GRID1: variants seen among roughly 807,000 people sequenced by gnomAD.
GRID1 encodes glutamate ionotropic receptor delta type subunit 1, also known as glutamate receptor ionotropic, delta-1.
In GRID1, 28 loss-of-function variants were observed where a neutral mutation model predicts 98.0. The ratio of observed to expected loss-of-function variants is 0.29; its 90% confidence interval spans 0.21 to 0.39. The LOEUF is 0.39. GRID1 is among the 10% of genes least tolerant of loss of function. GRID1 has a pLI of 1.00. For synonymous variants in GRID1, 553 were observed against 538.5 expected, an observed-to-expected ratio of 1.03 and a Z score of -0.37; for missense variants, 1,111 against 1,340.5, an observed-to-expected ratio of 0.83 and a Z score of 2.67.
chr10:85,847,950 C>A (rs1445661415), intron 8 of GRID1, among the ~76,000 whole-genome samples: 1 of 152,064 alleles, frequency 6.6e-6, no homozygotes, highest in Non-Finnish European at 1.5e-5. Flanking sequence ...CAATTCCTTT[C>A]TGAAAGAGAG....
At chr10:85,760,900 A>G (rs1046399575) in intron 8 of GRID1, among the ~76,000 whole-genome samples, 1 of 152,202 alleles carries the variant, frequency 6.6e-6, no homozygotes, top group African/African-American at 2.4e-5. Flanking sequence ...TTCTCAGATG[A>G]TAACACAGGT....
chr10:86,136,950 T>C (rs1176311764), intron 4 of GRID1, among the ~76,000 whole-genome samples: 3 of 151,958 alleles, frequency 2.0e-5, no homozygotes, highest in African/African-American at 4.8e-5. Flanking sequence ...CCCCTGTACC[T>C]AAAATAAAAG....
chr10:86,338,317 A>G (rs1047464980), intron 2 of GRID1, among the ~76,000 whole-genome samples: 1 of 152,116 alleles, frequency 6.6e-6, no homozygotes, highest in Non-Finnish European at 1.5e-5. Context: ...TGGAAAGGGA[A>G]TGTGGTCTTT....
chr10:85,729,648 A>T, intron 8 of GRID1, 34 bp from the exon 9 acceptor site: 2 of 1,384,754 alleles, frequency 1.4e-6, no homozygotes, highest in Non-Finnish European at 2.1e-6. Flanking sequence ...TGAGGGATGG[A>T]ACTGGCACCC....
chr10:85,953,252 C>T (rs934618161), intron 4 of GRID1, among the ~76,000 whole-genome samples: 1 of 152,074 alleles, frequency 6.6e-6, no homozygotes, highest in African/African-American at 2.4e-5. Context: ...GGCCATTATT[C>T]TTAGCAAACT....
intron 8 of GRID1, among the ~76,000 whole-genome samples, chr10:85,823,254 G>T (rs1049762746): frequency 3.3e-5 from 5 of 151,712 alleles, no homozygotes; most frequent in African/African-American, 1.2e-4. Context: ...TCTCAGTAAA[G>T]TTGCTAAAAG....
At chr10:85,732,481 C>T (rs951561541) in intron 8 of GRID1, among the ~76,000 whole-genome samples, 23 of 152,116 alleles carry the variant, frequency 1.5e-4, no homozygotes, top group African/African-American at 5.3e-4. Context: ...AAGGCTTTAC[C>T]TGTCTTTCTA....
At chr10:86,137,088 C>G (rs571195801) in intron 4 of GRID1, among the ~76,000 whole-genome samples, 1 of 152,300 alleles carries the variant, frequency 6.6e-6, no homozygotes, top group African/African-American at 2.4e-5. Flanking sequence ...CCACTGCAGG[C>G]GTTTGCATAA....
chr10:86,078,399 G>A (rs528349224), intron 4 of GRID1, among the ~76,000 whole-genome samples: 6 of 152,328 alleles, frequency 3.9e-5, no homozygotes, highest in Non-Finnish European at 8.8e-5. Flanking sequence ...TCTTGGGGAC[G>A]GTCAGCAGCT....
At chr10:85,637,651 C>T (rs1329964187) in intron 13 of GRID1, among the ~76,000 whole-genome samples, 1 of 152,184 alleles carries the variant, frequency 6.6e-6, no homozygotes, top group East Asian at 1.9e-4. Flanking sequence ...CTTTTTCCTG[C>T]CTCTCTAATT....
chr10:85,731,945 G>A (rs568512567), intron 8 of GRID1, among the ~76,000 whole-genome samples: 4,911 of 148,902 alleles, frequency 0.033, 129 homozygotes, highest in Middle Eastern at 0.048. Flanking sequence ...GAAGGGAAGG[G>A]AAGGGAAAGG....
At chr10:85,782,345 G>A (rs970327914) in intron 8 of GRID1, among the ~76,000 whole-genome samples, 14 of 152,190 alleles carry the variant, frequency 9.2e-5, no homozygotes, top group African/African-American at 2.4e-4. Flanking sequence ...TCTGTAGGAC[G>A]GGCAGTATCA....
At chr10:85,900,077 A>C (rs908327476) in intron 5 of GRID1, among the ~76,000 whole-genome samples, 1 of 152,200 alleles carries the variant, frequency 6.6e-6, no homozygotes, top group African/African-American at 2.4e-5. Flanking sequence ...ACCCTCAAAC[A>C]TCCCTTAAGA....
chr10:85,743,447 A>C (rs1457225957), intron 8 of GRID1, among the ~76,000 whole-genome samples: 1 of 152,198 alleles, frequency 6.6e-6, no homozygotes, highest in Non-Finnish European at 1.5e-5. Context: ...GTTGTCATGC[A>C]GTAATAGTAA....
intron 4 of GRID1, among the ~76,000 whole-genome samples, chr10:86,084,332 G>C: frequency 6.6e-6 from 1 of 152,040 alleles, no homozygotes. Flanking sequence ...AAGGAAGGAG[G>C]GGAGGGAGAG....
At chr10:86,326,837 T>G (rs1271440730) in intron 2 of GRID1, among the ~76,000 whole-genome samples, 2 of 152,220 alleles carry the variant, frequency 1.3e-5, no homozygotes, top group Admixed American at 1.3e-4. Flanking sequence ...AACACATTTT[T>G]AAAAGAATTT....
intron 4 of GRID1, among the ~76,000 whole-genome samples, chr10:86,092,985 A>T (rs1014126219): frequency 7.9e-5 from 12 of 152,260 alleles, no homozygotes; most frequent in African/African-American, 2.9e-4. Flanking sequence ...ATAGGCCATA[A>T]AATGAGTCTC....
intron 4 of GRID1, among the ~76,000 whole-genome samples, chr10:86,079,153 G>T (rs1243513005): frequency 6.6e-6 from 1 of 152,228 alleles, no homozygotes; most frequent in African/African-American, 2.4e-5. Flanking sequence ...TGGGGACATG[G>T]GGCCCAACAC....
chr10:86,111,517 T>C (rs1351044562), intron 4 of GRID1, among the ~76,000 whole-genome samples: 1 of 152,250 alleles, frequency 6.6e-6, no homozygotes, highest in East Asian at 1.9e-4. Context: ...GATACCTGTA[T>C]GTATCTCAGG....
Sources: gnomAD v4.1 joint callset for allele counts (sites outside exome capture counted in the v4.1 genomes callset) on GRCh38, gnomAD v4.1.1 for gene constraint, MANE v1.5 for transcripts, NCBI Gene and HGNC (gene_info 2026-07-23, HGNC 2026-07-21) for gene names.